The following ZFYVE9 variants were observed in gnomAD, a reference collection of about 807,000 sequenced individuals.
ZFYVE9 encodes the protein zinc finger FYVE domain-containing protein 9.
Under a neutral mutation model 126.7 loss-of-function variants are expected in ZFYVE9, and 43 were observed. The observed-to-expected ratio is 0.34, with a 90% CI of 0.27 to 0.44. The LOEUF (loss-of-function observed/expected upper bound fraction) is 0.44, where lower values mean the gene tolerates loss of function less well. ZFYVE9 is among the 20% of genes least tolerant of loss of function. ZFYVE9 has a pLI of 1.00. For synonymous variants in ZFYVE9, 521 were observed against 597.4 expected, an observed-to-expected ratio of 0.87 and a Z score of 1.87; for missense variants, 1,476 against 1,697.0, an observed-to-expected ratio of 0.87 and a Z score of 2.29.
intron 1 of ZFYVE9, among the ~76,000 whole-genome samples, chr1:52,179,054 G>A (rs1009083402): frequency 3.9e-5 from 6 of 152,026 alleles, no homozygotes; most frequent in African/African-American, 7.2e-5. Context: ...CCCTCCCTCC[G>A]TGGCCTCCCA....
At chr1:52,330,022 G>GATAACATAACATAAC (rs55926257) in intron 13 of ZFYVE9, among the ~76,000 whole-genome samples, 3 of 151,106 alleles carry the variant, frequency 2.0e-5, no homozygotes, top group Admixed American at 1.3e-4. Context: ...TGTCAACCTG[G>GATAACATAACATAAC]ATAACATAAC....
chr1:52,266,852 C>T, intron 6 of ZFYVE9, 21 bp downstream of exon 6: 1 of 1,548,942 alleles, frequency 6.5e-7, no homozygotes, highest in South Asian at 1.3e-5. Flanking sequence ...ATGTGCTATT[C>T]TCTCTCTTTT....
At chr1:52,257,745 A>G (rs1485974958) in intron 4 of ZFYVE9, among the ~76,000 whole-genome samples, 1 of 152,034 alleles carries the variant, frequency 6.6e-6, no homozygotes, top group Non-Finnish European at 1.5e-5. Context: ...GTATTTATTT[A>G]TTTTTTGAGA....
intron 1 of ZFYVE9, among the ~76,000 whole-genome samples, chr1:52,148,476 G>A (rs1490856091): frequency 6.6e-6 from 1 of 151,724 alleles, no homozygotes; most frequent in African/African-American, 2.4e-5. Flanking sequence ...CAAGAAGAGC[G>A]AAACTCCATC....
intron 12 of ZFYVE9, among the ~76,000 whole-genome samples, chr1:52,298,266 G>C (rs553273268): frequency 9.9e-5 from 15 of 152,068 alleles, no homozygotes; most frequent in Non-Finnish European, 1.9e-4. Flanking sequence ...TCTTCTAATA[G>C]TTTCATAGTT....
chr1:52,220,221 G>C (rs1186019762), intron 2 of ZFYVE9, among the ~76,000 whole-genome samples: 2 of 152,184 alleles, frequency 1.3e-5, no homozygotes, highest in Non-Finnish European at 2.9e-5. Flanking sequence ...CCTGATGAAG[G>C]TGGATGCCAG....
chr1:52,222,533 C>T (rs66496551), intron 2 of ZFYVE9, among the ~76,000 whole-genome samples: 22,553 of 152,152 alleles, frequency 0.15, 1,979 homozygotes, highest in Non-Finnish European at 0.2. Context: ...TTGCACTAGC[C>T]GGGATGACCT....
At chr1:52,267,246 G>T (rs771213831) in intron 6 of ZFYVE9, among the ~76,000 whole-genome samples, 1 of 152,060 alleles carries the variant, frequency 6.6e-6, no homozygotes, top group African/African-American at 2.4e-5. Context: ...TTGCTTTTTG[G>T]AGTATACATT....
intron 13 of ZFYVE9, among the ~76,000 whole-genome samples, chr1:52,312,295 A>G (rs977787025): frequency 6.6e-6 from 1 of 152,196 alleles, no homozygotes; most frequent in African/African-American, 2.4e-5. Flanking sequence ...TAATATAAGG[A>G]AAAGAAGACT....
chr1:52,146,130 C>G (rs1278953108), intron 1 of ZFYVE9, among the ~76,000 whole-genome samples: 4 of 151,884 alleles, frequency 2.6e-5, no homozygotes, highest in Non-Finnish European at 5.9e-5. Flanking sequence ...TTGCATAGCA[C>G]TTACAATTGT....
intron 13 of ZFYVE9, among the ~76,000 whole-genome samples, chr1:52,318,986 A>G (rs935024512): frequency 7.9e-5 from 12 of 152,126 alleles, no homozygotes; most frequent in Non-Finnish European, 2.9e-5. Flanking sequence ...AGTTCCAGCT[A>G]CTCAAGAGGC....
At chr1:52,276,851 G>A (rs925191112) in intron 8 of ZFYVE9, among the ~76,000 whole-genome samples, 4 of 152,252 alleles carry the variant, frequency 2.6e-5, no homozygotes, top group South Asian at 2.1e-4. Flanking sequence ...TTTTCAGATC[G>A]TATTCTTTCA....
intron 1 of ZFYVE9, among the ~76,000 whole-genome samples, chr1:52,199,566 T>A (rs1318172690): frequency 6.6e-6 from 1 of 152,234 alleles, no homozygotes; most frequent in African/African-American, 2.4e-5. Context: ...AGCTTTTATT[T>A]ACCTACCATT....
chr1:52,240,070 T>C (rs1224026220), intron 4 of ZFYVE9, among the ~76,000 whole-genome samples: 2 of 152,240 alleles, frequency 1.3e-5, no homozygotes, highest in Non-Finnish European at 2.9e-5. Flanking sequence ...TTTGCCATTA[T>C]ACAAAACATT....
At chr1:52,219,151 T>C (rs1035790078) in intron 2 of ZFYVE9, among the ~76,000 whole-genome samples, 1 of 151,672 alleles carries the variant, frequency 6.6e-6, no homozygotes, top group Non-Finnish European at 1.5e-5. Flanking sequence ...GTGGTGCTGG[T>C]TTTTCTGGGG....
intron 1 of ZFYVE9, among the ~76,000 whole-genome samples, chr1:52,196,446 G>A (rs1644861170): frequency 6.6e-6 from 1 of 152,088 alleles, no homozygotes; most frequent in Non-Finnish European, 1.5e-5. Context: ...GACCATCCTG[G>A]CCAACATGGT....
At chr1:52,250,675 C>T (rs534624604) in intron 4 of ZFYVE9, among the ~76,000 whole-genome samples, 1 of 150,954 alleles carries the variant, frequency 6.6e-6, no homozygotes, top group Admixed American at 6.6e-5. Flanking sequence ...AGTATGTATC[C>T]TTGTCTTGTT....
chr1:52,237,014 G>A (rs1406941325), intron 3 of ZFYVE9, among the ~76,000 whole-genome samples: 1 of 152,028 alleles, frequency 6.6e-6, no homozygotes, highest in Non-Finnish European at 1.5e-5. Context: ...TAACTGTCCA[G>A]TTTTGGCAAA....
rs574416747 is a variant in ZFYVE9, at chr1:52,142,581, G to T, written c.-143+178G>T. 6.6e-6 allele frequency among the ~76,000 whole-genome samples: 1 copy of T among 152,226 alleles called. No individual in the cohort carries two copies. Among genetic ancestry groups the T allele is most frequent in the Admixed American group, 6.5e-5 (1 of 15,298 alleles). ...CGTCCCCCGGGAGGCTGAAGGCCGT[G>T]GGGGGCGATTAGGCCCCGCGCCGTT... On this transcript the variant is annotated intron_variant, in intron 1 of 18. Transcript: ENST00000287727. The surrounding 1 kb of genome is among the most constrained non-coding windows in gnomAD (Gnocchi z 4.5).
Sources: gnomAD v4.1 joint callset for allele counts (sites outside exome capture counted in the v4.1 genomes callset) on GRCh38, gnomAD v4.1.1 for gene constraint, Gnocchi (gnomAD v3.1) non-coding constraint, MANE v1.5 for transcripts, NCBI Gene and HGNC (gene_info 2026-07-23, HGNC 2026-07-21) for gene names.